The following PNKD variants were observed in gnomAD, a reference collection of about 807,000 sequenced individuals.
PNKD encodes the protein probable thioesterase PNKD.
A neutral mutation model predicts 45.3 loss-of-function variants in PNKD; 36 were observed. The observed-to-expected ratio is 0.80, with a 90% CI of 0.61 to 1.05. The LOEUF is 1.05. Among genes scored for constraint, PNKD ranks in the 50% least tolerant of loss-of-function variants. PNKD has a pLI of 0.00. For synonymous variants in PNKD, 197 were observed against 210.1 expected (o/e 0.94, Z 0.54); for missense variants, 511 against 506.6 (o/e 1.01, Z -0.08).
At chr2:218,332,267 G>A (rs546944751) in intron 2 of PNKD, among the ~76,000 whole-genome samples, 6 of 152,174 alleles carry the variant, frequency 3.9e-5, no homozygotes, top group East Asian at 3.8e-4. Context: ...GTGAGGCTGC[G>A]CTGGGGGCAG....
intron 2 of PNKD, chr2:218,278,700 G>A (rs984860209): frequency 6.3e-6 from 6 of 956,014 alleles, no homozygotes; most frequent in Non-Finnish European, 9.8e-6. Context: ...AAGCAAGAAC[G>A]AGATTACCCC....
intron 2 of PNKD, chr2:218,334,559 G>A (rs941636772): frequency 3.6e-5 from 21 of 586,996 alleles, no homozygotes; most frequent in South Asian, 1.3e-4. Flanking sequence ...AGGCTGAGGC[G>A]GGAGGATCGC....
At chr2:218,333,730 C>T (rs772146659) in intron 2 of PNKD, among the ~76,000 whole-genome samples, 1 of 151,996 alleles carries the variant, frequency 6.6e-6, no homozygotes, top group South Asian at 2.1e-4. Context: ...GCCCATGTAG[C>T]GAGAAATGAA....
At chr2:218,300,904 G>C (rs1324453159) in intron 2 of PNKD, among the ~76,000 whole-genome samples, 1 of 152,138 alleles carries the variant, frequency 6.6e-6, no homozygotes, top group African/African-American at 2.4e-5. Flanking sequence ...GTATGTATTT[G>C]ACACAGCATA....
intron 2 of PNKD, among the ~76,000 whole-genome samples, chr2:218,336,418 G>T (rs964789467): frequency 2.0e-5 from 3 of 152,068 alleles, no homozygotes; most frequent in Admixed American, 2.0e-4. Flanking sequence ...CAAATATAAG[G>T]ACATTTAACT....
intron 2 of PNKD, among the ~76,000 whole-genome samples, chr2:218,307,918 T>C (rs1035019595): frequency 6.6e-6 from 1 of 151,822 alleles, no homozygotes; most frequent in Non-Finnish European, 1.5e-5. Context: ...GACAAATGGG[T>C]TTGACCTTCA....
intron 2 of PNKD, among the ~76,000 whole-genome samples, chr2:218,315,537 T>TGCCA (rs1693787638): frequency 1.3e-5 from 2 of 152,340 alleles, no homozygotes; most frequent in South Asian, 2.1e-4. Context: ...GAATAATGTA[T>TGCCA]GCCTTTAAGG....
intron 2 of PNKD, among the ~76,000 whole-genome samples, chr2:218,308,738 A>G (rs1022746127): frequency 1.3e-5 from 2 of 151,000 alleles, no homozygotes; most frequent in African/African-American, 4.9e-5. Context: ...AGGAGCTGCC[A>G]CCACCCCTCA....
rs1694830978 is a variant in PNKD at position 218,346,550 on chromosome 2, C to T, written c.*1569C>T. On this transcript the variant is annotated 3_prime_UTR_variant, in exon 10 of 10. Coordinates refer to ENST00000273077, the MANE Select transcript of PNKD (RefSeq NM_015488.5). Reference sequence around the variant, plus strand: ...CTCACGATCCCCTCAAAGGCCCCCTCCTCCAGGAAGGCAACCCCTGTGCCC... The same window carrying T: ...CTCACGATCCCCTCAAAGGCCCCCTTCTCCAGGAAGGCAACCCCTGTGCCC... The T allele has an allele frequency of 6.5e-6, 1 of 154,048 alleles. No individual in the cohort carries two copies. The highest frequency in any genetic ancestry group is 2.4e-5 in the African/African-American group (1 of 41,446). The allele number at this position is 154,048 out of a possible 1,614,324, so 9.5% of individuals were successfully genotyped here. A position where few individuals can be genotyped will look rare whatever the true frequency, so the allele number is the denominator to read the frequency against.
chr2:218,322,644 T>C (rs10203039), intron 2 of PNKD, among the ~76,000 whole-genome samples: 72,833 of 152,080 alleles, frequency 0.48, 20,127 homozygotes, highest in South Asian at 0.63. Flanking sequence ...CCTCCTTGAC[T>C]TCCTTTCGCA....
Position 218,275,412 on chromosome 2 carries a change from A to G in PNKD, c.236+3863A>G. On this transcript the variant is annotated intron_variant, in intron 2 of 9. Coordinates refer to ENST00000273077, the MANE Select transcript of PNKD (RefSeq NM_015488.5). Reference sequence around the variant, plus strand: ...GGCCTAAAGCCCAGACCACAGTCATAGGGCCCAGCCCTCTAGCTTGGAAGG... The same window carrying G: ...GGCCTAAAGCCCAGACCACAGTCATGGGGCCCAGCCCTCTAGCTTGGAAGG... 7.1e-6 allele frequency: 11 copies of G among 1,555,320 alleles called. No individual in the cohort carries two copies. In the South Asian group the frequency reaches 1.1e-4, roughly 16 times the overall value.
chr2:218,345,211 C>A lies in PNKD; in HGVS notation c.*230C>A. ...CCGCAGCGCGAGGCTGCCTCATCAA[C>A]GGCAAGAGGAAAGGAGGGGTCTCGG... On this transcript the variant is annotated 3_prime_UTR_variant, in exon 10 of 10. Coordinates refer to ENST00000273077, the MANE Select transcript of PNKD (RefSeq NM_015488.5). 1.8e-6 allele frequency: 1 copy of A among 563,392 alleles called. No individual in the cohort carries two copies. Among genetic ancestry groups the A allele is most frequent in the East Asian group, 2.9e-5 (1 of 34,152 alleles). 34.9% of individuals were successfully genotyped at this position (563,392 alleles called of 1,614,324 possible). A position where few individuals can be genotyped will look rare whatever the true frequency, so the allele number is the denominator to read the frequency against.
Position 218,344,502 on chromosome 2 carries a change from C to G in PNKD, c.916C>G (p.Pro306Ala). The part of the protein sequence containing the change: ...ENLGFAGVVE[P>A]ENLARERKMQ... ...CCTGGGCTTTGCAGGTGTGGTGGAGCCCGAGAACCTGGCCCGGGAGAGGAA... is the reference window on the plus strand; with the variant it reads ...CCTGGGCTTTGCAGGTGTGGTGGAGGCCGAGAACCTGGCCCGGGAGAGGAA... The change falls in exon 9 of 10, where the codon CCC (proline) becomes GCC (alanine). Residue 306 changes from proline to alanine, a missense_variant. Pro to Ala is a conservative substitution (Grantham distance 27). Transcript: ENST00000273077. The G allele has an allele frequency of 6.3e-7, 1 of 1,591,354 alleles. No individual in the cohort carries two copies. Among genetic ancestry groups the G allele is most frequent in the South Asian group, 1.1e-5 (1 of 87,618 alleles).
At chr2:218,329,846 T>G (rs1403285950) in intron 2 of PNKD, among the ~76,000 whole-genome samples, 1 of 152,230 alleles carries the variant, frequency 6.6e-6, no homozygotes, top group African/African-American at 2.4e-5. Context: ...CTGAGGGGCC[T>G]CTAAGCAGAC....
At chr2:218,331,962 G>A (rs1400983752) in intron 2 of PNKD, among the ~76,000 whole-genome samples, 1 of 152,126 alleles carries the variant, frequency 6.6e-6, no homozygotes, top group Non-Finnish European at 1.5e-5. Context: ...GTCATTTAGG[G>A]GGTTTCCGCC....
chr2:218,300,621 C>T (rs1435820216), intron 2 of PNKD, among the ~76,000 whole-genome samples: 1 of 151,480 alleles, frequency 6.6e-6, no homozygotes, highest in Non-Finnish European at 1.5e-5. Context: ...TCTCAGCTCA[C>T]TGCAACCTCC....
chr2:218,310,634 C>T (rs1324305495), intron 2 of PNKD, among the ~76,000 whole-genome samples: 2 of 148,164 alleles, frequency 1.3e-5, no homozygotes, highest in African/African-American at 2.5e-5. Flanking sequence ...CCCTGTCACC[C>T]GGGCTGGAGT....
chr2:218,307,466 T>C (rs566410264), intron 2 of PNKD, among the ~76,000 whole-genome samples: 70 of 152,314 alleles, frequency 4.6e-4, no homozygotes, highest in Admixed American at 1.2e-3. Context: ...AAGGAGCATG[T>C]AACCTACATC....
At chr2:218,276,154 G>A (rs891091976) in intron 2 of PNKD, 19 of 1,516,958 alleles carry the variant, frequency 1.3e-5, no homozygotes, top group South Asian at 4.7e-5. Context: ...AGCTTCCCCC[G>A]GGATAGTGGC....
Sources: allele counts gnomAD v4.1 joint callset (sites outside exome capture counted in the v4.1 genomes callset), GRCh38; gene constraint gnomAD v4.1.1; transcripts MANE v1.5; gene names NCBI Gene and HGNC (gene_info 2026-07-23, HGNC 2026-07-21).